Variants in HKDC1 observed in about 807,000 individuals in gnomAD.
HKDC1 encodes the protein hexokinase domain containing 1.
HKDC1 carries 66 observed loss-of-function variants against 96.6 expected under a neutral mutation model. The ratio of observed to expected loss-of-function variants is 0.68; its 90% CI spans 0.56 to 0.84. The LOEUF (loss-of-function observed/expected upper bound fraction) is 0.84, where lower values mean the gene tolerates loss of function less well. Among genes scored for constraint, HKDC1 ranks in the 40% least tolerant of loss-of-function variants. The pLI is 0.00. For synonymous variants in HKDC1, 466 were observed against 473.1 expected, an observed-to-expected ratio of 0.98 and a Z score of 0.20; for missense variants, 1,211 against 1,208.1, an observed-to-expected ratio of 1.00 and a Z score of -0.04.
Position 69,261,152 on chromosome 10 carries a change from A to G in HKDC1, c.2230A>G (p.Thr744Ala). ...TTCTCCAAACAGATACGAGAAAATGACCAGTGGGATGTACTTGGGGGAGAT... is the reference window on the plus strand; with the variant it reads ...TTCTCCAAACAGATACGAGAAAATGGCCAGTGGGATGTACTTGGGGGAGAT... The part of the protein sequence containing the change: ...NPGKQRYEKM[T>A]SGMYLGEIVR... The change falls in exon 16 of 18, where the codon ACC becomes GCC. Residue 744 changes from threonine to alanine, a missense_variant. Transcript: ENST00000354624. The G allele has an allele frequency of 2.5e-6, 4 of 1,613,360 alleles. No individual in the cohort carries two copies. Among genetic ancestry groups the G allele is most frequent in the Non-Finnish European group, 3.4e-6 (4 of 1,179,374 alleles).
At chr10:69,256,930 A>G in intron 12 of HKDC1, 106 bp from the exon 13 acceptor site, 1 of 828,970 alleles carries the variant, frequency 1.2e-6, no homozygotes, top group Non-Finnish European at 2.1e-6. Flanking sequence ...AAGCACACGT[A>G]CTTGACAAGC....
At chr10:69,253,771 C>T (rs1843679943) in intron 12 of HKDC1, among the ~76,000 whole-genome samples, 2 of 152,152 alleles carry the variant, frequency 1.3e-5, no homozygotes, top group South Asian at 2.1e-4. Flanking sequence ...GGTGCACTGT[C>T]GCCAGGGCCT....
chr10:69,258,132 G>A (rs1364061122), intron 14 of HKDC1, among the ~76,000 whole-genome samples: 1 of 152,218 alleles, frequency 6.6e-6, no homozygotes, highest in Non-Finnish European at 1.5e-5. Flanking sequence ...CCCATGCCAG[G>A]TAAGAGGTTT....
At chr10:69,255,470 C>T (rs76941699) in intron 12 of HKDC1, among the ~76,000 whole-genome samples, 2 of 152,180 alleles carry the variant, frequency 1.3e-5, no homozygotes, top group African/African-American at 4.8e-5. Flanking sequence ...GATTTTCTCA[C>T]TGCCTTTCCT....
intron 6 of HKDC1, among the ~76,000 whole-genome samples, chr10:69,242,808 T>C (rs1321962962): frequency 6.6e-6 from 1 of 152,226 alleles, no homozygotes; most frequent in African/African-American, 2.4e-5. Flanking sequence ...CTAAGTAGCT[T>C]AAGGAAAGAA....
At chr10:69,221,019 G>A (rs986069043) in intron 1 of HKDC1, among the ~76,000 whole-genome samples, 5 of 152,020 alleles carry the variant, frequency 3.3e-5, no homozygotes, top group East Asian at 1.9e-4. Context: ...GTGTGGTGGC[G>A]GGCACCTGTA....
intron 6 of HKDC1, among the ~76,000 whole-genome samples, chr10:69,242,139 C>T (rs1351960665): frequency 6.6e-6 from 1 of 152,180 alleles, no homozygotes; most frequent in Non-Finnish European, 1.5e-5. Flanking sequence ...TCAAGACCCT[C>T]CTCAGCCTGG....
chr10:69,239,766 CTTTTTT>C (rs33937984), intron 5 of HKDC1, among the ~76,000 whole-genome samples: 1 of 126,646 alleles, frequency 7.9e-6, no homozygotes, highest in Non-Finnish European at 1.6e-5. Context: ...TTTCATTTTA[CTTTTTT>C]TTTTTTTTTT....
In HKDC1 at chr10:69,255,431, C is replaced by T. The variant is rs904343867; in HGVS notation, c.1837-1605C>T. Among the ~76,000 whole-genome samples, 11 of 152,148 alleles carry T rather than the reference C, an allele frequency of 7.2e-5. No individual in the cohort carries two copies. In the South Asian group the frequency reaches 2.3e-3, roughly 31 times the overall value. On this transcript the variant is annotated intron_variant, in intron 12 of 17. Transcript: ENST00000354624. The stretch of plus-strand genomic sequence containing the variant: ...AACAGCCTCAGGGTGAGGCGGCATC[C>T]AGCCACGGGGCTGACGGCACTGCCA...
In HKDC1 at chr10:69,257,413, T is replaced by C; in HGVS notation, c.2019T>C (p.Ile673=). Residue 673 remains isoleucine (I), a synonymous_variant, in exon 14 of 18, where the codon ATT becomes ATC. Coordinates refer to ENST00000354624, the MANE Select transcript of HKDC1 (RefSeq NM_025130.4). ...TCGYEDPNCE[I]GLIAGTGSNM... ...GCTATGAAGATCCTAATTGTGAGAT[T>C]GGCCTGATTGCAGGTAGGTGGTCAG... 6.2e-7 allele frequency: 1 copy of C among 1,612,536 alleles called. No individual in the cohort carries two copies. Among genetic ancestry groups the C allele is most frequent in the Non-Finnish European group, 8.5e-7 (1 of 1,178,490 alleles).
intron 4 of HKDC1, among the ~76,000 whole-genome samples, chr10:69,235,086 C>A (rs938879939): frequency 2.0e-5 from 3 of 152,002 alleles, no homozygotes; most frequent in Non-Finnish European, 4.4e-5. Flanking sequence ...GTGATCACAC[C>A]ACTGCACTCC....
intron 1 of HKDC1, among the ~76,000 whole-genome samples, chr10:69,224,377 G>A (rs1564722872): frequency 6.6e-6 from 1 of 152,070 alleles, no homozygotes; most frequent in Non-Finnish European, 1.5e-5. Context: ...TCTGCCTCCT[G>A]GGTTCATGCC....
chr10:69,258,997 T>A, intron 15 of HKDC1, 38 bp downstream of exon 15: 1 of 1,464,402 alleles, frequency 6.8e-7, no homozygotes, highest in Non-Finnish European at 9.1e-7. Flanking sequence ...GTGGGTTGTG[T>A]AGTGAACAAC....
intron 2 of HKDC1, chr10:69,232,521 A>T: frequency 1.9e-6 from 1 of 536,480 alleles, no homozygotes; most frequent in Non-Finnish European, 3.3e-6. Flanking sequence ...ACATTCCTAC[A>T]GCATGAGCCA....
intron 2 of HKDC1, 52 bp downstream of exon 2, chr10:69,227,421 T>C (rs909364349): frequency 1.2e-5 from 19 of 1,602,994 alleles, no homozygotes; most frequent in Non-Finnish European, 1.6e-5. Context: ...GGCTGATGGG[T>C]GTCTAAAGTA....
chr10:69,265,652 G>T lies in HKDC1; in HGVS notation c.2440G>T (p.Asp814Tyr). The change falls in exon 17 of 18, where the codon GAC becomes TAC. Residue 814 changes from aspartate (D) to tyrosine (Y), a missense_variant. Asp to Tyr is a radical substitution (Grantham distance 160). Coordinates refer to ENST00000354624, the MANE Select transcript of HKDC1 (RefSeq NM_025130.4). ...QQLGLDSTCE[D>Y]SIVVKEVCGA... ...GCTGGGCCTGGACAGCACGTGTGAG[G>T]ACAGCATCGTGGTGAAGGAGGTGTG... is the stretch of plus-strand genomic sequence containing the variant. 1.9e-6 allele frequency: 3 copies of T among 1,614,136 alleles called. No individual in the cohort carries two copies. The highest frequency in any genetic ancestry group is 2.5e-6 in the Non-Finnish European group (3 of 1,180,012).
At chr10:69,254,798 C>G (rs559573580) in intron 12 of HKDC1, among the ~76,000 whole-genome samples, 5 of 152,036 alleles carry the variant, frequency 3.3e-5, no homozygotes, top group African/African-American at 1.2e-4. Flanking sequence ...CGTGAATTTA[C>G]TTACTTAAAA....
intron 1 of HKDC1, among the ~76,000 whole-genome samples, chr10:69,222,077 C>T (rs1352793963): frequency 6.6e-6 from 1 of 152,142 alleles, no homozygotes; most frequent in Non-Finnish European, 1.5e-5. Flanking sequence ...TAAAAATTAG[C>T]TGGGCGTGGT....
In HKDC1 at chr10:69,265,570, C is replaced by T; in HGVS notation, c.2373-15C>T. The stretch of plus-strand genomic sequence containing the variant: ...CTGGGAAGCAGGTCCTGACTCCCTG[C>T]TCTATTGCCTGCAGCGATCGGCTGG... On this transcript the variant is annotated splice_polypyrimidine_tract_variant and intron_variant, in intron 16 of 17. Coordinates refer to ENST00000354624, the MANE Select transcript of HKDC1 (RefSeq NM_025130.4). 2 of 1,612,200 alleles carry T rather than the reference C, an allele frequency of 1.2e-6. No individual in the cohort carries two copies. Among genetic ancestry groups the T allele is most frequent in the Non-Finnish European group, 1.7e-6 (2 of 1,178,832 alleles).
Sources: gnomAD v4.1 joint callset for allele counts (sites outside exome capture counted in the v4.1 genomes callset) on GRCh38, gnomAD v4.1.1 for gene constraint, MANE v1.5 for transcripts, NCBI Gene and HGNC (gene_info 2026-07-23, HGNC 2026-07-21) for gene names.